The following NRXN1 variants were observed in gnomAD, a reference collection of about 807,000 sequenced individuals.
NRXN1 encodes the protein neurexin 1.
In NRXN1, 39 loss-of-function variants were observed where a neutral mutation model predicts 150.9. The ratio of observed to expected loss-of-function variants is 0.26; its 90% CI spans 0.20 to 0.34. The LOEUF is 0.34. Ranked by LOEUF, NRXN1 falls within the 10% of genes least tolerant of loss-of-function variation. The pLI is 1.00. For synonymous variants in NRXN1, 924 were observed against 757.0 expected (o/e 1.22, Z -3.62); for missense variants, 1,815 against 1,949.9 (o/e 0.93, Z 1.30).
chr2:50,438,454 G>T (rs1263817084), intron 17 of NRXN1, among the ~76,000 whole-genome samples: 1 of 152,162 alleles, frequency 6.6e-6, no homozygotes, highest in Admixed American at 6.5e-5. Context: ...GAGTGGACTT[G>T]TTCTGAGCTG....
At chr2:49,997,088 T>G (rs6747457) in intron 21 of NRXN1, among the ~76,000 whole-genome samples, 71,940 of 151,934 alleles carry the variant, frequency 0.47, 17,621 homozygotes, top group Middle Eastern at 0.6. Flanking sequence ...AAGAGAAAAA[T>G]ATTTAAAAGC....
intron 21 of NRXN1, among the ~76,000 whole-genome samples, chr2:49,962,851 C>A (rs765591860): frequency 6.6e-6 from 1 of 151,940 alleles, no homozygotes; most frequent in Non-Finnish European, 1.5e-5. Context: ...TACTCAGGAG[C>A]GTCAGGCAGG....
intron 18 of NRXN1, among the ~76,000 whole-genome samples, chr2:50,132,691 C>T (rs142067462): frequency 2.7e-4 from 41 of 152,144 alleles, no homozygotes; most frequent in African/African-American, 9.9e-4. Context: ...TGCTTCAGTT[C>T]TCAGTTGTGT....
At chr2:50,253,041 G>A (rs2067313265) in intron 17 of NRXN1, among the ~76,000 whole-genome samples, 1 of 152,160 alleles carries the variant, frequency 6.6e-6, no homozygotes, top group Non-Finnish European at 1.5e-5. Flanking sequence ...TCCTATCCAT[G>A]AGCATGGAAT....
intron 19 of NRXN1, among the ~76,000 whole-genome samples, chr2:50,084,618 C>A (rs1019265801): frequency 2.6e-5 from 4 of 152,192 alleles, no homozygotes; most frequent in African/African-American, 9.6e-5. Context: ...GCTGAGGGAA[C>A]CGGCTCTGGC....
intron 10 of NRXN1, among the ~76,000 whole-genome samples, chr2:50,533,484 C>G (rs1048897000): frequency 4.6e-5 from 7 of 152,160 alleles, no homozygotes; most frequent in African/African-American, 1.7e-4. Flanking sequence ...CTCTTACTCT[C>G]TCTGCCATGT....
chr2:50,367,937 T>C (rs1418196247), intron 17 of NRXN1, among the ~76,000 whole-genome samples: 1 of 152,030 alleles, frequency 6.6e-6, no homozygotes, highest in Non-Finnish European at 1.5e-5. Flanking sequence ...TACCTGTCTA[T>C]CTAAACAGTT....
chr2:50,485,223 A>G (rs1027250521), intron 15 of NRXN1, among the ~76,000 whole-genome samples: 5 of 152,210 alleles, frequency 3.3e-5, no homozygotes, highest in Admixed American at 3.3e-4. Flanking sequence ...AATATCAGAC[A>G]ATGTGAGAAT....
At chr2:50,495,385 GT>G (rs1558829221) in intron 15 of NRXN1, among the ~76,000 whole-genome samples, 5 of 131,478 alleles carry the variant, frequency 3.8e-5, no homozygotes, top group African/African-American at 1.6e-4. Context: ...TGTGTGGTGT[GT>G]GTGTGTGTGT....
At position 49,988,203 on chromosome 2, in the gene NRXN1, T is replaced by C. The variant is rs567863304; in HGVS notation, c.4129-44412A>G. On this transcript the variant is annotated intron_variant, in intron 21 of 22. Coordinates refer to ENST00000401669, the MANE Select transcript of NRXN1 (RefSeq NM_001330078.2). ...TTTTCTTACATAATAAATAATTTCTTTGACTCTTTGAAAATGGTTCCATTA... is the reference window on the plus strand; with the variant it reads ...TTTTCTTACATAATAAATAATTTCTCTGACTCTTTGAAAATGGTTCCATTA... Among the ~76,000 whole-genome samples, 14 of 151,990 alleles carry C rather than the reference T, an allele frequency of 9.2e-5. No homozygotes were observed. The South Asian group carries it at 2.9e-3, about 32-fold the overall frequency.
intron 21 of NRXN1, among the ~76,000 whole-genome samples, chr2:50,045,550 T>A (rs982492546): frequency 6.6e-6 from 1 of 152,084 alleles, no homozygotes; most frequent in Admixed American, 6.6e-5. Context: ...TCACAGACAA[T>A]GATTATTATA....
At chr2:50,780,457 TTTC>T (rs1219913977) in intron 5 of NRXN1, among the ~76,000 whole-genome samples, 1 of 152,186 alleles carries the variant, frequency 6.6e-6, no homozygotes, top group African/African-American at 2.4e-5. Flanking sequence ...GTCTATATTA[TTTC>T]TTATCCAGTT....
chr2:50,880,220 T>C (rs1370671501), intron 5 of NRXN1, among the ~76,000 whole-genome samples: 2 of 151,944 alleles, frequency 1.3e-5, no homozygotes, highest in Non-Finnish European at 2.9e-5. Flanking sequence ...TTTGTAAAAG[T>C]ATTTAAAACT....
intron 5 of NRXN1, among the ~76,000 whole-genome samples, chr2:50,675,191 C>G (rs1355300135): frequency 6.6e-6 from 1 of 152,082 alleles, no homozygotes; most frequent in African/African-American, 2.4e-5. Flanking sequence ...CCAAATAAAT[C>G]TCTTTACTTT....
At chr2:50,290,184 G>C (rs960296006) in intron 17 of NRXN1, among the ~76,000 whole-genome samples, 1 of 152,150 alleles carries the variant, frequency 6.6e-6, no homozygotes, top group Admixed American at 6.6e-5. Context: ...AAGCTCATTT[G>C]CGCAAAATAA....
chr2:50,488,745 G>C (rs1272120911), intron 15 of NRXN1, among the ~76,000 whole-genome samples: 1 of 152,190 alleles, frequency 6.6e-6, no homozygotes, highest in East Asian at 1.9e-4. Context: ...AGGGAGGTCT[G>C]AGAGCTAGGA....
intron 18 of NRXN1, among the ~76,000 whole-genome samples, chr2:50,154,697 A>T (rs1298373136): frequency 6.6e-6 from 1 of 151,728 alleles, no homozygotes; most frequent in Non-Finnish European, 1.5e-5. Context: ...AAGAATTAAT[A>T]AAGCAGAACA....
intron 2 of NRXN1, among the ~76,000 whole-genome samples, chr2:51,021,431 G>A (rs1386132583): frequency 6.6e-6 from 1 of 151,902 alleles, no homozygotes; most frequent in Non-Finnish European, 1.5e-5. Flanking sequence ...AGCTAAGAAT[G>A]ACAGAAATAT....
At chr2:50,956,894 T>G (rs1202044896) in intron 2 of NRXN1, among the ~76,000 whole-genome samples, 1 of 151,996 alleles carries the variant, frequency 6.6e-6, no homozygotes. Flanking sequence ...ACACGGAAGC[T>G]CAAGGATGGG....
Sources: allele counts gnomAD v4.1 joint callset (sites outside exome capture counted in the v4.1 genomes callset), GRCh38; gene constraint gnomAD v4.1.1; transcripts MANE v1.5; gene names NCBI Gene and HGNC (gene_info 2026-07-23, HGNC 2026-07-21).